FAM3A: variants seen among roughly 807,000 people sequenced by gnomAD.
FAM3A encodes FAM3 metabolism regulating signaling molecule A.
In FAM3A, 5 loss-of-function variants were observed where a neutral mutation model predicts 18.1. That is an observed-to-expected ratio of 0.28 (90% CI 0.14 to 0.58). The LOEUF (loss-of-function observed/expected upper bound fraction) is 0.58, where lower values mean the gene tolerates loss of function less well. FAM3A is among the 20% of genes least tolerant of loss of function. FAM3A has a pLI of 0.91. For synonymous variants in FAM3A, 108 were observed against 90.2 expected (o/e 1.20, Z -1.12); for missense variants, 154 against 216.6 (o/e 0.71, Z 1.81).
At position 154,515,888 on chromosome X, in the gene FAM3A, C is replaced by G; in HGVS notation, c.-116G>C. ...GCCTGTGCGGGACCCCTGCTGGGGG[C>G]GGGCGCGATCGGTGCTACGACCTGT... is the stretch of plus-strand genomic sequence containing the variant. On this transcript the variant is annotated 5_prime_UTR_variant, in exon 1 of 9. Coordinates refer to ENST00000447601, the MANE Select transcript of FAM3A (RefSeq NM_021806.4). 7 of 681,041 alleles carry G rather than the reference C, an allele frequency of 1.0e-5. No homozygotes were observed. The highest frequency in any genetic ancestry group is 1.6e-5 in the Non-Finnish European group (7 of 436,916). The allele number at this position is 681,041 out of a possible 1,213,427, so 56.1% of individuals were successfully genotyped here.
chrX:154,512,530 C>T (rs782052499), intron 2 of FAM3A: 5 of 316,758 alleles, frequency 1.6e-5, no homozygotes, highest in East Asian at 1.1e-4. Flanking sequence ...AGGGAGCAAC[C>T]GGGGCATCAC....
intron 1 of FAM3A, among the ~76,000 whole-genome samples, chrX:154,513,215 GGCTCCAGCCCTCTTTCCAAGAACCC>G: frequency 9.0e-6 from 1 of 111,617 alleles, no homozygotes; most frequent in Non-Finnish European, 1.9e-5. Flanking sequence ...GCTCGAGAAG[GGCTCCAGCCCTCTTTCCAAGAACCC>G]CCTCAACTTC....
At position 154,506,607 on chromosome X, in the gene FAM3A, T is replaced by G. The variant is rs782030746; in HGVS notation, c.*204A>C. The G allele has an allele frequency of 2.3e-6, 1 of 426,466 alleles. No individual in the cohort carries two copies. Among genetic ancestry groups the G allele is most frequent in the South Asian group, 3.5e-5 (1 of 28,715 alleles). 35.1% of individuals were successfully genotyped at this position (426,466 alleles called of 1,213,427 possible). On this transcript the variant is annotated 3_prime_UTR_variant, in exon 9 of 9. Transcript: ENST00000447601. ...GGTACCCTGGGCTCCCGTGACAAAGTGCGGCAGGGCTACCCCCTGCAGCCC... is the reference window on the plus strand; with the variant it reads ...GGTACCCTGGGCTCCCGTGACAAAGGGCGGCAGGGCTACCCCCTGCAGCCC...
chrX:154,508,439 C>T, intron 4 of FAM3A, 35 bp downstream of exon 4: 5 of 1,194,678 alleles, frequency 4.2e-6, no homozygotes, highest in Non-Finnish European at 5.7e-6. Flanking sequence ...ATCCCCCACT[C>T]CCTCCCTGAT....
intron 1 of FAM3A, 133 bp downstream of exon 1, chrX:154,515,627 G>A (rs1048730989): frequency 3.6e-5 from 25 of 685,401 alleles, no homozygotes; most frequent in Non-Finnish European, 5.7e-5. Flanking sequence ...ACGAGTGTTT[G>A]TGCAGAGTCC....
intron 3 of FAM3A, chrX:154,508,994 G>T: frequency 1.2e-5 from 3 of 259,887 alleles, no homozygotes; most frequent in Non-Finnish European, 1.5e-5. Context: ...TTTTGATGGG[G>T]GTTGGTTGGG....
chrX:154,507,675 C>T (rs2069626580), intron 6 of FAM3A, 136 bp downstream of exon 6: 13 of 826,517 alleles, frequency 1.6e-5, no homozygotes, highest in South Asian at 6.7e-5. Flanking sequence ...ACCAAGCTGG[C>T]GATGCCCCTG....
chrX:154,512,231 AAT>A (rs2069917798), intron 2 of FAM3A: 1 of 4,947 alleles, frequency 2.0e-4, no homozygotes, highest in African/African-American at 3.1e-3. Flanking sequence ...AAAATACAAT[AAT>A]AATAATAATA....
At chrX:154,511,205 G>A (rs782237690) in intron 3 of FAM3A, 1 of 111,934 alleles carries the variant, frequency 8.9e-6, no homozygotes, top group South Asian at 3.7e-4. Context: ...CAGCAAGGCT[G>A]TTCAAGCGTT....
intron 1 of FAM3A, among the ~76,000 whole-genome samples, chrX:154,514,972 C>G (rs989013297): frequency 1.8e-5 from 2 of 111,089 alleles, no homozygotes; most frequent in Non-Finnish European, 3.8e-5. Flanking sequence ...CCCGCCACCA[C>G]GCCAGGCTCA....
rs1267435909 is a variant in FAM3A at position 154,506,543 on chromosome X, T to C, written c.*268A>G. 5.4e-6 allele frequency: 2 copies of C among 372,081 alleles called. No individual in the cohort carries two copies. The highest frequency in any genetic ancestry group is 9.5e-6 in the Non-Finnish European group (2 of 210,028). The allele number at this position is 372,081 out of a possible 1,213,427, so 30.7% of individuals were successfully genotyped here. A position where few individuals can be genotyped will look rare whatever the true frequency, so the allele number is the denominator to read the frequency against. On this transcript the variant is annotated 3_prime_UTR_variant, in exon 9 of 9. Coordinates refer to ENST00000447601, the MANE Select transcript of FAM3A (RefSeq NM_021806.4). ...GTGAGGAATGGAGGACAGGGCTAGA[T>C]GGGCTGACCGGGGGGAACAGTGTTA...
intron 1 of FAM3A, among the ~76,000 whole-genome samples, chrX:154,515,149 C>T (rs2070132045): frequency 8.9e-6 from 1 of 112,377 alleles, no homozygotes; most frequent in African/African-American, 3.2e-5. Context: ...ATGTCATCTA[C>T]TCCTAGCTCT....
chrX:154,511,642 A>AT (rs1226546186), intron 3 of FAM3A, among the ~76,000 whole-genome samples: 2 of 111,873 alleles, frequency 1.8e-5, no homozygotes, highest in Non-Finnish European at 3.8e-5. Context: ...GGGAGTATCT[A>AT]TCCTAGGCCT....
chrX:154,508,225 A>G, intron 5 of FAM3A, 64 bp downstream of exon 5: 1 of 895,809 alleles, frequency 1.1e-6, no homozygotes, highest in Non-Finnish European at 1.5e-6. Flanking sequence ...GCAAACACCC[A>G]GAGGCCTCCT....
chrX:154,508,225 A>C, intron 5 of FAM3A, 64 bp downstream of exon 5: 2 of 895,809 alleles, frequency 2.2e-6, no homozygotes, highest in Non-Finnish European at 3.0e-6. Flanking sequence ...GCAAACACCC[A>C]GAGGCCTCCT....
In FAM3A at chrX:154,508,702, A is replaced by G. The variant is rs1557220948; in HGVS notation, c.152-105T>C. 4 of 978,396 alleles carry G rather than the reference A, an allele frequency of 4.1e-6. No homozygotes were observed. The East Asian group carries it at 1.3e-4, about 33-fold the overall frequency. The allele number at this position is 978,396 out of a possible 1,213,427, so 80.6% of individuals were successfully genotyped here. On this transcript the variant is annotated intron_variant, in intron 3 of 8. Coordinates refer to ENST00000447601, the MANE Select transcript of FAM3A (RefSeq NM_021806.4). ...CACATGGTAGAACAAGTGACCGCAG[A>G]GCAGGACACAAGTAGGGGGATGTGG...
At chrX:154,508,698 G>A (rs782704102) in intron 3 of FAM3A, 101 bp from the exon 4 acceptor site, 23 of 995,518 alleles carry the variant, frequency 2.3e-5, no homozygotes, top group South Asian at 1.4e-4. Flanking sequence ...ACAAGTGACC[G>A]CAGAGCAGGA....
Position 154,507,482 on chromosome X carries a change from C to T in FAM3A, c.394G>A (p.Asp132Asn), listed in dbSNP as rs1371062937. 8.3e-6 allele frequency: 10 copies of T among 1,209,712 alleles called. No individual in the cohort carries two copies. Among genetic ancestry groups the T allele is most frequent in the East Asian group, 5.9e-5 (2 of 33,827 alleles). The change falls in exon 7 of 9, where the codon GAC becomes AAC. Residue 132 changes from aspartate (D) to asparagine (N), a missense_variant. Around this residue, in one of 3 missense-constraint regions of FAM3A, gnomAD observed 112 missense variants for 160.0 expected, o/e 0.70. Transcript: ENST00000447601. The part of the protein sequence containing the change: ...AFDMWAGDVN[D>N]LLKFIRPLHE... ...AGTGGCCGAATAAACTTCAACAGGT[C>T]GTTGACATCTGGGGGGGCAGGTGCC...
At chrX:154,507,554 C>A in intron 6 of FAM3A, 64 bp from the exon 7 acceptor site, 1 of 1,081,165 alleles carries the variant, frequency 9.2e-7, no homozygotes, top group Non-Finnish European at 1.3e-6. Flanking sequence ...CCCACAAGCC[C>A]GTTCTCCAAA....
Sources: gnomAD v4.1 joint callset for allele counts (sites outside exome capture counted in the v4.1 genomes callset) on GRCh38, gnomAD v4.1.1 for gene constraint, gnomAD v4.1.1 regional missense constraint, MANE v1.5 for transcripts, NCBI Gene and HGNC (gene_info 2026-07-23, HGNC 2026-07-21) for gene names.